Variants in BBS1 observed in about 807,000 individuals in gnomAD.
BBS1 encodes the protein BBSome complex member BBS1.
Under a neutral mutation model 73.9 loss-of-function variants are expected in BBS1, and 60 were observed. The observed-to-expected ratio is 0.81, with a 90% CI of 0.66 to 1.01. The LOEUF is 1.01. Ranked by LOEUF, BBS1 falls within the 50% of genes least tolerant of loss-of-function variation. The pLI is 0.00. For missense variants in BBS1, 718 were observed against 770.3 expected, an observed-to-expected ratio of 0.93 and a Z score of 0.80; for synonymous variants, 283 against 317.4, an observed-to-expected ratio of 0.89 and a Z score of 1.15.
chr11:66,524,203 C>T, intron 11 of BBS1: 1 of 381,144 alleles, frequency 2.6e-6, no homozygotes. Flanking sequence ...TCGCTTGAGC[C>T]TGGGAGGCGG....
At chr11:66,528,422 A>G (rs968151205) in intron 13 of BBS1, among the ~76,000 whole-genome samples, 2 of 152,164 alleles carry the variant, frequency 1.3e-5, no homozygotes, top group Non-Finnish European at 2.9e-5. Flanking sequence ...AGTAAACCTA[A>G]GAAGATTGGG....
chr11:66,524,237 A>G (rs578005349), intron 11 of BBS1: 70 of 361,048 alleles, frequency 1.9e-4, no homozygotes, highest in African/African-American at 1.1e-3. Context: ...CCAAGATCAA[A>G]CCATGGCACT....
intron 9 of BBS1, chr11:66,522,833 T>C (rs1856301278): frequency 3.3e-6 from 1 of 301,622 alleles, no homozygotes; most frequent in African/African-American, 2.2e-5. Flanking sequence ...GGAGAAAAAA[T>C]ACAAGCTCAA....
chr11:66,525,672 C>T (rs1282027472), intron 11 of BBS1, among the ~76,000 whole-genome samples: 3 of 152,186 alleles, frequency 2.0e-5, no homozygotes, highest in African/African-American at 7.2e-5. Context: ...CTGGGAGGGC[C>T]GGTGGTATGC....
At chr11:66,527,086 T>C (rs1034322231) in intron 13 of BBS1, 1 of 1,464,024 alleles carries the variant, frequency 6.8e-7, no homozygotes, top group Non-Finnish European at 9.2e-7. Context: ...ATGAGGAAAG[T>C]AGAATTTTGA....
chr11:66,521,026 T>C, intron 8 of BBS1: 1 of 533,606 alleles, frequency 1.9e-6, no homozygotes, highest in South Asian at 2.0e-5. Flanking sequence ...GCTGCACGGT[T>C]GTTTAAGTAC....
intron 3 of BBS1, among the ~76,000 whole-genome samples, 189 bp from the exon 4 acceptor site, chr11:66,514,217 C>T (rs1452107027): frequency 6.6e-6 from 1 of 152,252 alleles, no homozygotes; most frequent in Non-Finnish European, 1.5e-5. Flanking sequence ...TATCACCATT[C>T]TGCAAGCGGG....
At chr11:66,531,468 A>T (rs1342800287) in intron 15 of BBS1, among the ~76,000 whole-genome samples, 188 bp from the exon 16 acceptor site, 1 of 152,116 alleles carries the variant, frequency 6.6e-6, no homozygotes, top group Non-Finnish European at 1.5e-5. Context: ...TCTAGGTTTC[A>T]TCACTCACCA....
chr11:66,524,793 A>G (rs1396834335), intron 11 of BBS1, among the ~76,000 whole-genome samples: 1 of 152,192 alleles, frequency 6.6e-6, no homozygotes, highest in Non-Finnish European at 1.5e-5. Flanking sequence ...AGGGCCAGGC[A>G]CATTGGCTCA....
chr11:66,515,754 G>A (rs1856036857), intron 6 of BBS1, 23 bp downstream of exon 6: 1 of 1,614,036 alleles, frequency 6.2e-7, no homozygotes, highest in African/African-American at 1.3e-5. Flanking sequence ...TGGAGGGCCA[G>A]GGTTTGGGAG....
intron 13 of BBS1, 196 bp downstream of exon 13, chr11:66,527,003 G>A: frequency 6.5e-7 from 1 of 1,537,524 alleles, no homozygotes; most frequent in Non-Finnish European, 8.7e-7. Context: ...CAGGCTGGAA[G>A]GTGCTGTGGG....
chr11:66,529,451 C>T, intron 13 of BBS1: 2 of 807,456 alleles, frequency 2.5e-6, no homozygotes, highest in Non-Finnish European at 4.2e-6. Context: ...AAGGACTCCT[C>T]TTTGTGGTGG....
chr11:66,521,509 G>A, intron 9 of BBS1, 133 bp downstream of exon 9: 1 of 753,898 alleles, frequency 1.3e-6, no homozygotes, highest in Non-Finnish European at 2.3e-6. Context: ...TCATAAAGGA[G>A]GCTGAGCCCA....
chr11:66,524,274 C>G, intron 11 of BBS1: 1 of 310,318 alleles, frequency 3.2e-6, no homozygotes, highest in Non-Finnish European at 6.3e-6. Context: ...AGCGAGACTC[C>G]ATCTTAAAAA....
At chr11:66,529,497 A>G in intron 13 of BBS1, 1 of 727,898 alleles carries the variant, frequency 1.4e-6, no homozygotes, top group Non-Finnish European at 2.5e-6. Flanking sequence ...GTCTGGGGGA[A>G]GAAGATGGAG....
At position 66,515,868 on chromosome 11, in the gene BBS1, C is replaced by T; in HGVS notation, c.526C>T (p.Gln176Ter). ...AGTTCTCTGTGTGTCTAGGTTTCTGCAGCTGGAGCTAAGTGAAATGGAGGC... is the reference window on the plus strand; with the variant it reads ...AGTTCTCTGTGTGTCTAGGTTTCTGTAGCTGGAGCTAAGTGAAATGGAGGC... ...PLSIQSLRFL[Q>*]LELSEMEAFV... Residue 176 changes from glutamine (Q) to a stop codon, truncating the protein, a stop_gained, in exon 7 of 17, where the codon CAG (glutamine) becomes TAG (stop). Transcript: ENST00000318312. LOFTEE classifies it high-confidence loss of function. The T allele has an allele frequency of 1.2e-6, 2 of 1,614,232 alleles. No individual in the cohort carries two copies.
Position 66,514,522 on chromosome 11 carries a change from C to A in BBS1, c.276C>A (p.Phe92Leu), listed in dbSNP as rs1429517280. 2 of 1,614,086 alleles carry A rather than the reference C, an allele frequency of 1.2e-6. No individual in the cohort carries two copies. The highest frequency in any genetic ancestry group is 2.2e-5 in the South Asian group (2 of 91,084). Residue 92 changes from phenylalanine (F) to leucine (L), a missense_variant, in exon 4 of 17, where the codon TTC (phenylalanine) becomes TTA (leucine). Physicochemically the swap from Phe to Leu is conservative, Grantham distance 22. Coordinates refer to ENST00000318312, the MANE Select transcript of BBS1 (RefSeq NM_024649.5). ...LPALPAAAAT[F>L]LMEQHEPRTP... ...CTCTGCCAGCTGCTGCTGCCACCTT[C>A]CTCATGGAGCAACATGAGCCCCGGA...
chr11:66,528,696 C>T (rs888199776), intron 13 of BBS1, among the ~76,000 whole-genome samples: 2 of 152,104 alleles, frequency 1.3e-5, no homozygotes, highest in African/African-American at 2.4e-5. Flanking sequence ...CGGCCAGGTG[C>T]GGTGGCTCAC....
chr11:66,526,898 C>A, intron 13 of BBS1, 91 bp downstream of exon 13: 1 of 1,611,746 alleles, frequency 6.2e-7, no homozygotes, highest in Non-Finnish European at 8.5e-7. Context: ...TCCCTGTGCA[C>A]TGGGAGGAGA....
Sources: gnomAD v4.1 joint callset for allele counts (sites outside exome capture counted in the v4.1 genomes callset) on GRCh38, gnomAD v4.1.1 for gene constraint, MANE v1.5 for transcripts, NCBI Gene and HGNC (gene_info 2026-07-23, HGNC 2026-07-21) for gene names.